Variants in TP53INP2 observed in about 807,000 individuals in gnomAD.
The protein encoded by TP53INP2 is tumor protein p53-inducible nuclear protein 2.
In TP53INP2, 12 loss-of-function variants were observed where a neutral mutation model predicts 17.1. The observed-to-expected ratio is 0.70, with a 90% confidence interval of 0.45 to 1.14. The LOEUF is 1.14. TP53INP2 is among the 50% of genes most tolerant of loss of function. The pLI, the probability that TP53INP2 is intolerant of heterozygous loss-of-function variation, is 0.00. For missense variants in TP53INP2, 342 were observed against 330.9 expected (o/e 1.03, Z -0.26); for synonymous variants, 145 against 147.3 (o/e 0.98, Z 0.12).
chr20:34,705,863 A>T (rs1024529638), intron 2 of TP53INP2, among the ~76,000 whole-genome samples: 1 of 152,148 alleles, frequency 6.6e-6, no homozygotes, highest in South Asian at 2.1e-4. Context: ...AGAACTGGGA[A>T]TGTGAGAACC....
At chr20:34,707,928 A>G (rs958966730) in intron 2 of TP53INP2, among the ~76,000 whole-genome samples, 2 of 152,198 alleles carry the variant, frequency 1.3e-5, no homozygotes, top group African/African-American at 4.8e-5. Context: ...CGCCCAGCTA[A>G]TTTTTGTATT....
At chr20:34,706,344 A>T (rs1035004122) in intron 2 of TP53INP2, among the ~76,000 whole-genome samples, 6 of 152,146 alleles carry the variant, frequency 3.9e-5, no homozygotes, top group African/African-American at 1.4e-4. Flanking sequence ...TCTGATCATC[A>T]GATTTTAAAA....
chr20:34,709,547 C>T lies in TP53INP2; in HGVS notation c.413+23C>T. 6.3e-7 allele frequency: 1 copy of T among 1,594,902 alleles called. No homozygotes were observed. The highest frequency in any genetic ancestry group is 8.5e-7 in the Non-Finnish European group (1 of 1,176,108). On this transcript the variant is annotated intron_variant, in intron 4 of 4. Coordinates refer to ENST00000374810, the MANE Select transcript of TP53INP2 (RefSeq NM_021202.3). The surrounding 1 kb of genome is among the most constrained non-coding windows in gnomAD (Gnocchi z 5.4). ...AGGGTGAGCGGGCCGGGGGCGGAGCCTGGAGGCCCAGGGAGACGGATCTTG... is the reference window on the plus strand; with the variant it reads ...AGGGTGAGCGGGCCGGGGGCGGAGCTTGGAGGCCCAGGGAGACGGATCTTG...
rs747486914 is a variant in TP53INP2, at chr20:34,710,209, G to T, written c.565G>T (p.Val189Leu). The T allele has an allele frequency of 1.4e-5, 20 of 1,479,132 alleles. No homozygotes were observed. In the Admixed American group the frequency reaches 1.6e-4, roughly 12 times the overall value. 91.6% of individuals were successfully genotyped at this position (1,479,132 alleles called of 1,614,324 possible). A position where few individuals can be genotyped will look rare whatever the true frequency, so the allele number is the denominator to read the frequency against. The change falls in exon 5 of 5, where the codon GTG (valine) becomes TTG (leucine). Residue 189 changes from valine (V) to leucine (L), a missense_variant. Val to Leu is a conservative substitution (Grantham distance 32, BLOSUM62 1). Transcript: ENST00000374810. The surrounding 1 kb of genome is among the most constrained non-coding windows in gnomAD (Gnocchi z 4.9). The part of the protein sequence containing the change: ...AERHALSAKA[V>L]QRQNRARESR... Reference sequence around the variant, plus strand: ...GCGCCACGCGCTGAGCGCCAAGGCGGTGCAGCGGCAGAACCGAGCCCGCGA... The same window carrying T: ...GCGCCACGCGCTGAGCGCCAAGGCGTTGCAGCGGCAGAACCGAGCCCGCGA...
chr20:34,712,414 A>G lies in TP53INP2; in HGVS notation c.*2107A>G, dbSNP rs559231946. On this transcript the variant is annotated 3_prime_UTR_variant, in exon 5 of 5. Transcript: ENST00000374810. ...ATTTTAAAAGGCCTTTTGTTTACCT[A>G]TATTTCTGGAGGCTCCTGTATTCTA... 5.9e-5 allele frequency: 9 copies of G among 152,622 alleles called. No individual in the cohort carries two copies. The highest frequency in any genetic ancestry group is 1.9e-4 in the African/African-American group (8 of 41,530). 9.5% of individuals were successfully genotyped at this position (152,622 alleles called of 1,614,324 possible).
chr20:34,709,740 G>T lies in TP53INP2; in HGVS notation c.413+216G>T, dbSNP rs554502126. On this transcript the variant is annotated intron_variant, in intron 4 of 4. Transcript: ENST00000374810. This position sits in a 1 kb window ranked among gnomAD's most constrained non-coding sequence, Gnocchi z 5.4. ...GAGGACGGAGGGGCGGGGCTTGAGA[G>T]GGAGGGGCGTGGCCAAGAGGCTGGG... Among the ~76,000 whole-genome samples the T allele has an allele frequency of 6.6e-5, 10 of 152,252 alleles. No homozygotes were observed. In the East Asian group the frequency reaches 1.6e-3, roughly 24 times the overall value.
In TP53INP2 at chr20:34,712,778, G is replaced by C. The variant is rs1202061247; in HGVS notation, c.*2471G>C. On this transcript the variant is annotated 3_prime_UTR_variant, in exon 5 of 5. Transcript: ENST00000374810. ...GTTTTCTGAGGCCCTAGAGGAGTTTGTATCAATTTGTGAGTATTAATGTCA... is the reference window on the plus strand; with the variant it reads ...GTTTTCTGAGGCCCTAGAGGAGTTTCTATCAATTTGTGAGTATTAATGTCA... The C allele has an allele frequency of 2.6e-5, 4 of 152,584 alleles. No homozygotes were observed. The highest frequency in any genetic ancestry group is 4.8e-5 in the African/African-American group (2 of 41,430). 9.5% of individuals were successfully genotyped at this position (152,584 alleles called of 1,614,324 possible). A position where few individuals can be genotyped will look rare whatever the true frequency, so the allele number is the denominator to read the frequency against.
chr20:34,709,110 G>T lies in TP53INP2; in HGVS notation c.125-126G>T. The stretch of plus-strand genomic sequence containing the variant: ...GTGGGTGCCCCGGGGCGCTGCGGAC[G>T]GGCTGCGGGTCTGACTAACGATGCC... On this transcript the variant is annotated intron_variant, in intron 3 of 4. Transcript: ENST00000374810. This position sits in a 1 kb window ranked among gnomAD's most constrained non-coding sequence, Gnocchi z 5.4. The T allele has an allele frequency of 6.9e-7, 1 of 1,439,046 alleles. No individual in the cohort carries two copies. Among genetic ancestry groups the T allele is most frequent in the African/African-American group, 1.4e-5 (1 of 69,806 alleles). 89.1% of individuals were successfully genotyped at this position (1,439,046 alleles called of 1,614,324 possible).
chr20:34,705,902 T>C (rs1336092871), intron 2 of TP53INP2, among the ~76,000 whole-genome samples: 1 of 152,074 alleles, frequency 6.6e-6, no homozygotes, highest in Non-Finnish European at 1.5e-5. Flanking sequence ...GGAAAGGAAA[T>C]CTGGGAGGCT....
At chr20:34,704,744 G>C (rs1345081037) in intron 1 of TP53INP2, 1 of 152,318 alleles carries the variant, frequency 6.6e-6, no homozygotes, top group Non-Finnish European at 1.5e-5. Context: ...GTCCTCCCGT[G>C]ACCCGGTAGC....
chr20:34,707,633 C>T (rs1300443285), intron 2 of TP53INP2, among the ~76,000 whole-genome samples: 1 of 152,168 alleles, frequency 6.6e-6, no homozygotes, highest in East Asian at 1.9e-4. Flanking sequence ...ACCTTTGTCT[C>T]CTACTAGCTC....
At chr20:34,706,299 T>C (rs569442875) in intron 2 of TP53INP2, among the ~76,000 whole-genome samples, 6 of 152,338 alleles carry the variant, frequency 3.9e-5, no homozygotes, top group African/African-American at 1.4e-4. Flanking sequence ...TGCCACTATC[T>C]AGCCATGTAT....
intron 2 of TP53INP2, among the ~76,000 whole-genome samples, chr20:34,706,070 T>C (rs1988000205): frequency 6.6e-6 from 1 of 152,180 alleles, no homozygotes; most frequent in Non-Finnish European, 1.5e-5. Context: ...CAGTGCAGGC[T>C]CTGGTACACA....
intron 2 of TP53INP2, among the ~76,000 whole-genome samples, chr20:34,707,264 A>T (rs551270501): frequency 6.6e-6 from 1 of 152,224 alleles, no homozygotes; most frequent in Admixed American, 6.5e-5. Flanking sequence ...AGCCTGGGAA[A>T]AGGGGGTCAG....
chr20:34,708,737 A>G lies in TP53INP2; in HGVS notation c.-3A>G, dbSNP rs1031775913. The G allele has an allele frequency of 6.4e-7, 1 of 1,572,384 alleles. No homozygotes were observed. The highest frequency in any genetic ancestry group is 8.6e-7 in the Non-Finnish European group (1 of 1,160,110). ...GCCCCCGTGAGGCGCTTCGCCCCCC[A>G]CCATGTTCCAGCGCCTCTCCAGCCT... On this transcript the variant is annotated 5_prime_UTR_variant, in exon 3 of 5. Coordinates refer to ENST00000374810, the MANE Select transcript of TP53INP2 (RefSeq NM_021202.3).
chr20:34,711,817 AGTGT>A lies in TP53INP2; in HGVS notation c.*1514_*1517del, dbSNP rs1271305643. ...TTCCTCTTTCTAGCCGTCCTTTTCT[AGTGT>A]GTGCTCACTCTTCCTAGGAACTTTT... On this transcript the variant is annotated 3_prime_UTR_variant, in exon 5 of 5. Coordinates refer to ENST00000374810, the MANE Select transcript of TP53INP2 (RefSeq NM_021202.3). This position sits in a 1 kb window ranked among gnomAD's most constrained non-coding sequence, Gnocchi z 4.1. 5 of 152,544 alleles carry A rather than the reference AGTGT, an allele frequency of 3.3e-5. No homozygotes were observed. Among genetic ancestry groups the A allele is most frequent in the African/African-American group, 1.2e-4 (5 of 41,386 alleles). The allele number at this position is 152,544 out of a possible 1,614,324, so 9.4% of individuals were successfully genotyped here.
Position 34,709,163 on chromosome 20 carries a change from GT to G in TP53INP2, c.125-72del. 2 of 60,518 alleles carry G rather than the reference GT, an allele frequency of 3.3e-5. No individual in the cohort carries two copies. The highest frequency in any genetic ancestry group is 4.3e-5 in the Non-Finnish European group (2 of 46,450). 3.7% of individuals were successfully genotyped at this position (60,518 alleles called of 1,614,324 possible). ...TTCTCTCCCCGCCCCCTTGTCCGGT[GT>G]GTGTGTGTGTGTGTGTGTGTGCCTC... On this transcript the variant is annotated intron_variant, in intron 3 of 4. Transcript: ENST00000374810. This position sits in a 1 kb window ranked among gnomAD's most constrained non-coding sequence, Gnocchi z 5.4.
In TP53INP2 at chr20:34,713,360, T is replaced by TA; in HGVS notation, c.*3054dup. 6.5e-6 allele frequency: 1 copy of TA among 152,772 alleles called. No individual in the cohort carries two copies. Among genetic ancestry groups the TA allele is most frequent in the South Asian group, 2.1e-4 (1 of 4,824 alleles). The allele number at this position is 152,772 out of a possible 1,614,324, so 9.5% of individuals were successfully genotyped here. ...ATGTGTGTAACAGAATTCTGATTGT[T>TA]AGACTGTAATGCTATTCCTCTATGG... On this transcript the variant is annotated 3_prime_UTR_variant, in exon 5 of 5. Coordinates refer to ENST00000374810, the MANE Select transcript of TP53INP2 (RefSeq NM_021202.3).
Position 34,708,831 on chromosome 20 carries a change from A to C in TP53INP2, c.92A>C (p.Glu31Ala). The stretch of plus-strand genomic sequence containing the variant: ...CGCGCCTTCGTGTCGGAGGAGGATG[A>C]AGTGGACGGCTGGCTCATCATTGAC... Reference protein sequence around the residue: ...CPRAFVSEEDEVDGWLIIDLP... With the variant: ...CPRAFVSEEDAVDGWLIIDLP... Residue 31 changes from glutamate (E) to alanine (A), a missense_variant, in exon 3 of 5, where the codon GAA becomes GCA. Glu to Ala is a moderately radical substitution (Grantham distance 107). Coordinates refer to ENST00000374810, the MANE Select transcript of TP53INP2 (RefSeq NM_021202.3). 9 of 1,612,474 alleles carry C rather than the reference A, an allele frequency of 5.6e-6. No homozygotes were observed. The highest frequency in any genetic ancestry group is 6.8e-6 in the Non-Finnish European group (8 of 1,179,220).
Sources: allele counts gnomAD v4.1 joint callset (sites outside exome capture counted in the v4.1 genomes callset), GRCh38; gene constraint gnomAD v4.1.1; non-coding constraint Gnocchi (gnomAD v3.1); transcripts MANE v1.5; gene names NCBI Gene and HGNC (gene_info 2026-07-23, HGNC 2026-07-21).